Variants in IL1RAPL1 observed in about 807,000 individuals in gnomAD.
IL1RAPL1 encodes the protein interleukin-1 receptor accessory protein-like 1.
In IL1RAPL1, 3 loss-of-function variants were observed where a neutral mutation model predicts 48.4. The ratio of observed to expected loss-of-function variants is 0.06; its 90% CI spans 0.03 to 0.16. The LOEUF (loss-of-function observed/expected upper bound fraction) is 0.16. IL1RAPL1 is among the 10% of genes least tolerant of loss of function. The probability of loss-of-function intolerance (pLI) is 1.00; values close to 1 mark genes in which losing one functional copy is unlikely to be tolerated. For missense variants in IL1RAPL1, 349 were observed against 530.6 expected, an observed-to-expected ratio of 0.66 and a Z score of 3.36; for synonymous variants, 185 against 187.7, an observed-to-expected ratio of 0.99 and a Z score of 0.12.
chrX:29,079,338 A>G (rs933786774), intron 2 of IL1RAPL1, among the ~76,000 whole-genome samples: 11 of 111,646 alleles, frequency 9.9e-5, no homozygotes, highest in African/African-American at 3.3e-4. Context: ...TAAATGATGC[A>G]TATGTCCTAC....
chrX:28,615,204 T>G lies in IL1RAPL1; in HGVS notation c.-25+27157T>G, dbSNP rs1334997071. 1.9e-4 allele frequency among the ~76,000 whole-genome samples: 7 copies of G among 37,023 alleles called. No homozygotes were observed. The East Asian group carries it at 5.1e-3, about 27-fold the overall frequency. 32.2% of individuals were successfully genotyped at this position (37,023 alleles called of 115,157 possible). ...CGCCTGGCCAACTGTTGTCTGTTTTTTTTTTTTTTTTTTTTTTTTTTTTTT... is the reference window on the plus strand; with the variant it reads ...CGCCTGGCCAACTGTTGTCTGTTTTGTTTTTTTTTTTTTTTTTTTTTTTTT... On this transcript the variant is annotated intron_variant, in intron 1 of 10. Coordinates refer to ENST00000378993, the MANE Select transcript of IL1RAPL1 (RefSeq NM_014271.4).
At chrX:29,142,868 T>G (rs1929272446) in intron 2 of IL1RAPL1, among the ~76,000 whole-genome samples, 1 of 109,970 alleles carries the variant, frequency 9.1e-6, no homozygotes, top group East Asian at 2.9e-4. Flanking sequence ...ACCTGACTAA[T>G]TTTTGTATTT....
chrX:29,267,692 A>G (rs1391030942), intron 2 of IL1RAPL1, among the ~76,000 whole-genome samples: 7 of 112,148 alleles, frequency 6.2e-5, no homozygotes, highest in Non-Finnish European at 1.1e-4. Context: ...TTTTTCAGTG[A>G]ATATTTTCAG....
intron 5 of IL1RAPL1, among the ~76,000 whole-genome samples, chrX:29,438,896 G>A (rs941515771): frequency 9.9e-5 from 11 of 110,846 alleles, no homozygotes; most frequent in Admixed American, 5.8e-4. Flanking sequence ...TTATGATGTT[G>A]TACCCAGTCA....
rs997872408 is a variant in IL1RAPL1 at position 28,984,133 on chromosome X, C to G, written c.82+194708C>G. On this transcript the variant is annotated intron_variant, in intron 2 of 10. Coordinates refer to ENST00000378993, the MANE Select transcript of IL1RAPL1 (RefSeq NM_014271.4). ...TGGAAATTTTCAATATCTGCACTTTCCAATATGGAAGCAACTAGCTACATG... is the reference window on the plus strand; with the variant it reads ...TGGAAATTTTCAATATCTGCACTTTGCAATATGGAAGCAACTAGCTACATG... Among the ~76,000 whole-genome samples the G allele has an allele frequency of 6.3e-5, 7 of 111,889 alleles. No individual in the cohort carries two copies. The Admixed American group carries it at 6.7e-4, about 11-fold the overall frequency.
At chrX:28,992,849 T>C (rs1319163809) in intron 2 of IL1RAPL1, among the ~76,000 whole-genome samples, 1 of 112,120 alleles carries the variant, frequency 8.9e-6, no homozygotes, top group African/African-American at 3.2e-5. Flanking sequence ...TGGACCTGAA[T>C]GACTAAAAGA....
intron 3 of IL1RAPL1, among the ~76,000 whole-genome samples, chrX:29,333,702 C>A (rs1251545061): frequency 1.3e-5 from 1 of 78,028 alleles, no homozygotes; most frequent in Non-Finnish European, 2.5e-5. Context: ...GCTGGCCGGG[C>A]GGGGGGCTGA....
chrX:29,112,908 T>C lies in IL1RAPL1; in HGVS notation c.83-170030T>C, dbSNP rs1013433141. On this transcript the variant is annotated intron_variant, in intron 2 of 10. Transcript: ENST00000378993. Reference sequence around the variant, plus strand: ...TCCGCCCCCCAGGTTCAAGCAGTTCTCTGGGCCTCAGTCTCCTGAGTAGCT... The same window carrying C: ...TCCGCCCCCCAGGTTCAAGCAGTTCCCTGGGCCTCAGTCTCCTGAGTAGCT... Among the ~76,000 whole-genome samples the C allele has an allele frequency of 5.6e-5, 6 of 107,189 alleles. No homozygotes were observed. In the Admixed American group the frequency reaches 6.1e-4, roughly 11 times the overall value. 93.1% of individuals were successfully genotyped at this position (107,189 alleles called of 115,157 possible). A position where few individuals can be genotyped will look rare whatever the true frequency, so the allele number is the denominator to read the frequency against.
At chrX:29,883,911 G>T (rs1212832318) in intron 6 of IL1RAPL1, among the ~76,000 whole-genome samples, 1 of 111,870 alleles carries the variant, frequency 8.9e-6, no homozygotes, top group Non-Finnish European at 1.9e-5. Context: ...CAATCGCATT[G>T]TACTCTGCAA....
At chrX:28,992,681 A>G (rs961050984) in intron 2 of IL1RAPL1, among the ~76,000 whole-genome samples, 1 of 111,352 alleles carries the variant, frequency 9.0e-6, no homozygotes, top group African/African-American at 3.3e-5. Flanking sequence ...TCTTGGGGAT[A>G]TTTTCAGGAA....
chrX:29,316,912 C>G (rs1263243026), intron 3 of IL1RAPL1, among the ~76,000 whole-genome samples: 1 of 110,858 alleles, frequency 9.0e-6, no homozygotes, highest in Non-Finnish European at 1.9e-5. Context: ...TTTACAATAA[C>G]ATTAATGCTA....
intron 5 of IL1RAPL1, among the ~76,000 whole-genome samples, chrX:29,500,217 G>A (rs936595826): frequency 8.9e-6 from 1 of 111,789 alleles, no homozygotes; most frequent in Non-Finnish European, 1.9e-5. Flanking sequence ...CTGATCTCAG[G>A]TGATCCTCCC....
intron 2 of IL1RAPL1, among the ~76,000 whole-genome samples, chrX:28,962,819 CG>C (rs1313609559): frequency 9.3e-6 from 1 of 107,912 alleles, no homozygotes; most frequent in East Asian, 2.9e-4. Context: ...ATTTGGTATC[CG>C]TGGGGGGGGT....
At chrX:29,365,204 G>C (rs1437988881) in intron 3 of IL1RAPL1, among the ~76,000 whole-genome samples, 4 of 111,370 alleles carry the variant, frequency 3.6e-5, no homozygotes, top group African/African-American at 1.3e-4. Context: ...GTTCCTGGGT[G>C]AGGGTCTTCA....
chrX:29,072,414 C>T (rs1008683221), intron 2 of IL1RAPL1, among the ~76,000 whole-genome samples: 2 of 111,607 alleles, frequency 1.8e-5, no homozygotes, highest in Non-Finnish European at 3.8e-5. Flanking sequence ...TTTCCTGGGT[C>T]GTGAGGTCAA....
chrX:29,756,573 A>C (rs5972861), intron 6 of IL1RAPL1, among the ~76,000 whole-genome samples: 17,636 of 109,067 alleles, frequency 0.16, 1,626 homozygotes, highest in African/African-American at 0.35. Context: ...CCACCATGCC[A>C]GACTTATTTT....
intron 6 of IL1RAPL1, among the ~76,000 whole-genome samples, chrX:29,791,030 C>T (rs766889279): frequency 2.7e-5 from 3 of 110,659 alleles, no homozygotes; most frequent in East Asian, 5.7e-4. Context: ...CTCTCTACTC[C>T]AAAGCTCTTT....
intron 2 of IL1RAPL1, among the ~76,000 whole-genome samples, chrX:29,259,706 T>C (rs1931818332): frequency 8.9e-6 from 1 of 111,977 alleles, no homozygotes; most frequent in Non-Finnish European, 1.9e-5. Context: ...GTCAAATATT[T>C]AAGGTTGCCT....
chrX:29,192,211 C>A (rs1930365205), intron 2 of IL1RAPL1, among the ~76,000 whole-genome samples: 1 of 111,909 alleles, frequency 8.9e-6, no homozygotes, highest in Non-Finnish European at 1.9e-5. Context: ...CCCTTTATGC[C>A]CTTGTGTGTG....
Sources: allele counts gnomAD v4.1 joint callset (sites outside exome capture counted in the v4.1 genomes callset), GRCh38; gene constraint gnomAD v4.1.1; transcripts MANE v1.5; gene names NCBI Gene and HGNC (gene_info 2026-07-23, HGNC 2026-07-21).